Variants in ADAMTS2 observed in about 807,000 individuals in gnomAD.
ADAMTS2 encodes A disintegrin and metalloproteinase with thrombospondin motifs 2.
In ADAMTS2, 50 loss-of-function variants were observed where a neutral mutation model predicts 123.0. That is an observed-to-expected ratio of 0.41 (90% CI 0.32 to 0.51). The LOEUF (loss-of-function observed/expected upper bound fraction) is 0.51, where lower values mean the gene tolerates loss of function less well. Among genes scored for constraint, ADAMTS2 ranks in the 20% least tolerant of loss-of-function variants. ADAMTS2 has a pLI of 0.35. For synonymous variants in ADAMTS2, 678 were observed against 695.4 expected (o/e 0.98, Z 0.39); for missense variants, 1,494 against 1,705.2 (o/e 0.88, Z 2.18).
At chr5:179,168,231 C>T (rs1763744813) in intron 5 of ADAMTS2, among the ~76,000 whole-genome samples, 1 of 152,162 alleles carries the variant, frequency 6.6e-6, no homozygotes, top group Non-Finnish European at 1.5e-5. Context: ...GTCGTGACAA[C>T]CAAAAGTCTC....
chr5:179,239,774 C>A (rs575100917), intron 3 of ADAMTS2, among the ~76,000 whole-genome samples: 9 of 152,042 alleles, frequency 5.9e-5, no homozygotes, highest in African/African-American at 1.9e-4. Context: ...CCAGAGGGTG[C>A]GGGAAGAGGA....
rs572075169 is a variant in ADAMTS2 at position 179,189,505 on chromosome 5, G to A, written c.892-8350C>T. The stretch of plus-strand genomic sequence containing the variant: ...TGGGGCTACAGGCGCCCGCCAGTGC[G>A]CCTGGTTTTTTTTTTTTTTTTTTTT... On this transcript the variant is annotated intron_variant, in intron 4 of 21. Transcript: ENST00000251582. The surrounding 1 kb of genome is among the most constrained non-coding windows in gnomAD (Gnocchi z 4.2). Among the ~76,000 whole-genome samples, 19 of 106,974 alleles carry A rather than the reference G, an allele frequency of 1.8e-4. No individual in the cohort carries two copies. The highest frequency in any genetic ancestry group is 5.1e-4 in the African/African-American group (14 of 27,548). 70.2% of individuals were successfully genotyped at this position (106,974 alleles called of 152,430 possible).
chr5:179,221,894 T>G (rs1450992822), intron 3 of ADAMTS2, among the ~76,000 whole-genome samples: 1 of 152,158 alleles, frequency 6.6e-6, no homozygotes, highest in African/African-American at 2.4e-5. Flanking sequence ...CCCATGGGGC[T>G]GAGGAGCAGG....
intron 4 of ADAMTS2, among the ~76,000 whole-genome samples, chr5:179,184,201 G>T (rs1436109173): frequency 6.6e-6 from 1 of 152,138 alleles, no homozygotes; most frequent in Non-Finnish European, 1.5e-5. Context: ...GATGAGGGCA[G>T]CACCAGATAT....
rs1554128903 is a variant in ADAMTS2 at position 179,189,510 on chromosome 5, G to GCTTTTT, written c.892-8356_892-8355insAAAAAG. 0.035 allele frequency among the ~76,000 whole-genome samples: 2,756 copies of GCTTTTT among 78,978 alleles called. 838 individuals carry two copies. Among genetic ancestry groups the GCTTTTT allele is most frequent in the African/African-American group, 0.095 (2,123 of 22,410 alleles). 51.8% of individuals were successfully genotyped at this position (78,978 alleles called of 152,430 possible). On this transcript the variant is annotated intron_variant, in intron 4 of 21. Coordinates refer to ENST00000251582, the MANE Select transcript of ADAMTS2 (RefSeq NM_014244.5). The surrounding 1 kb of genome is among the most constrained non-coding windows in gnomAD (Gnocchi z 4.2). ...CTACAGGCGCCCGCCAGTGCGCCTG[G>GCTTTTT]TTTTTTTTTTTTTTTTTTTTTTTTT...
intron 2 of ADAMTS2, among the ~76,000 whole-genome samples, chr5:179,310,252 C>A (rs1009469317): frequency 1.4e-4 from 22 of 152,248 alleles, no homozygotes; most frequent in Admixed American, 1.4e-3. Flanking sequence ...CAGCTCCCAG[C>A]GGGCAGGGAT....
chr5:179,223,494 TCACATG>T (rs1765187197), intron 3 of ADAMTS2, among the ~76,000 whole-genome samples: 6 of 100,930 alleles, frequency 5.9e-5, no homozygotes, highest in African/African-American at 2.2e-4. Context: ...GGACTCACAC[TCACATG>T]CACACTCATA....
At chr5:179,161,871 CTTT>C (rs1243863685) in intron 5 of ADAMTS2, among the ~76,000 whole-genome samples, 2 of 152,180 alleles carry the variant, frequency 1.3e-5, no homozygotes, top group African/African-American at 4.8e-5. Flanking sequence ...ACAAGAATGA[CTTT>C]TTAACATACA....
At chr5:179,254,999 T>TGATG (rs35912390) in intron 3 of ADAMTS2, among the ~76,000 whole-genome samples, 25,949 of 151,582 alleles carry the variant, frequency 0.17, 4,281 homozygotes, top group African/African-American at 0.44. Context: ...GGATGATGAA[T>TGATG]GATGGATGGA....
chr5:179,248,006 T>G (rs1241364236), intron 3 of ADAMTS2, among the ~76,000 whole-genome samples: 1 of 152,198 alleles, frequency 6.6e-6, no homozygotes, highest in Non-Finnish European at 1.5e-5. Flanking sequence ...CTATATGATT[T>G]AGTCTATAGA....
chr5:179,289,388 A>G (rs181797), intron 2 of ADAMTS2, among the ~76,000 whole-genome samples: 33,421 of 152,140 alleles, frequency 0.22, 3,819 homozygotes, highest in South Asian at 0.29. Context: ...TCTTTCTCAC[A>G]GGGTAATTCA....
intron 12 of ADAMTS2, among the ~76,000 whole-genome samples, chr5:179,136,396 T>A (rs1317355565): frequency 6.6e-6 from 1 of 152,204 alleles, no homozygotes; most frequent in Non-Finnish European, 1.5e-5. Context: ...CCAGGCAAGA[T>A]GGCTCACACC....
intron 2 of ADAMTS2, among the ~76,000 whole-genome samples, chr5:179,311,391 G>A (rs13179536): frequency 1.3e-5 from 2 of 152,130 alleles, no homozygotes; most frequent in Non-Finnish European, 2.9e-5. Context: ...TCAGACAGTG[G>A]TGAGCAGCAT....
chr5:179,271,747 A>G (rs962849646), intron 3 of ADAMTS2, among the ~76,000 whole-genome samples: 4 of 152,238 alleles, frequency 2.6e-5, no homozygotes, highest in African/African-American at 9.6e-5. Flanking sequence ...CTGATGGAAC[A>G]ATTCCTTTGC....
intron 5 of ADAMTS2, among the ~76,000 whole-genome samples, chr5:179,161,052 G>A (rs1244997523): frequency 6.6e-6 from 1 of 152,156 alleles, no homozygotes; most frequent in Non-Finnish European, 1.5e-5. Context: ...AATCTTGGTC[G>A]TTTTAAGCCA....
intron 4 of ADAMTS2, among the ~76,000 whole-genome samples, chr5:179,198,504 G>A (rs1290230663): frequency 6.6e-6 from 1 of 152,204 alleles, no homozygotes; most frequent in Non-Finnish European, 1.5e-5. Flanking sequence ...TCCCAGGGTT[G>A]CCAGCAGCCA....
intron 2 of ADAMTS2, among the ~76,000 whole-genome samples, chr5:179,326,863 A>G (rs547132052): frequency 6.6e-6 from 1 of 152,144 alleles, no homozygotes; most frequent in South Asian, 2.1e-4. Flanking sequence ...AGTCATGGGA[A>G]GGAGAGGGAG....
intron 5 of ADAMTS2, among the ~76,000 whole-genome samples, chr5:179,167,319 G>T (rs1235291653): frequency 2.0e-5 from 3 of 151,972 alleles, no homozygotes; most frequent in African/African-American, 7.2e-5. Context: ...CCCGGGCCGG[G>T]GACGCACCCG....
chr5:179,113,868 T>G lies in ADAMTS2; in HGVS notation c.3635A>C (p.Ter1212SerextTer1), dbSNP rs1203881137. 6.2e-7 allele frequency: 1 copy of G among 1,613,960 alleles called. No individual in the cohort carries two copies. The highest frequency in any genetic ancestry group is 8.5e-7 in the Non-Finnish European group (1 of 1,179,900). ...TAGGGATGCTATCTTTCCATTTTATTAGAACTTTCCGAGCATCTCTTTCTT... is the reference window on the plus strand; with the variant it reads ...TAGGGATGCTATCTTTCCATTTTATGAGAACTTTCCGAGCATCTCTTTCTT... ...MRKKEMLGKF[*>S] Residue 1212 changes from the stop codon to serine (S), a stop_lost, in exon 22 of 22, where the codon TAA (stop) becomes TCA (serine). Coordinates refer to ENST00000251582, the MANE Select transcript of ADAMTS2 (RefSeq NM_014244.5).
Sources: gnomAD v4.1 joint callset for allele counts (sites outside exome capture counted in the v4.1 genomes callset) on GRCh38, gnomAD v4.1.1 for gene constraint, Gnocchi (gnomAD v3.1) non-coding constraint, MANE v1.5 for transcripts, NCBI Gene and HGNC (gene_info 2026-07-23, HGNC 2026-07-21) for gene names.